Variants in PTPRT observed in about 807,000 individuals in gnomAD.
The protein encoded by PTPRT is protein tyrosine phosphatase receptor type T, also known as receptor-type tyrosine-protein phosphatase T.
In PTPRT, 56 loss-of-function variants were observed where a neutral mutation model predicts 176.8. The ratio of observed to expected loss-of-function variants is 0.32; its 90% confidence interval spans 0.26 to 0.40. The LOEUF (loss-of-function observed/expected upper bound fraction) is 0.40, where lower values mean the gene tolerates loss of function less well. Ranked by LOEUF, PTPRT falls within the 10% of genes least tolerant of loss-of-function variation. PTPRT has a pLI of 1.00. For synonymous variants in PTPRT, 783 were observed against 739.0 expected, an observed-to-expected ratio of 1.06 and a Z score of -0.96; for missense variants, 1,540 against 1,908.2, an observed-to-expected ratio of 0.81 and a Z score of 3.60.
chr20:42,063,741 A>T, the PTPRT span: 1 of 152,270 alleles, frequency 6.6e-6, no homozygotes, highest in African/African-American at 2.4e-5. Flanking sequence ...AGGTGAGAAG[A>T]CCAGGAGTAG....
At chr20:42,416,009 TTGA>T (rs2145753134) in intron 9 of PTPRT, among the ~76,000 whole-genome samples, 1 of 152,304 alleles carries the variant, frequency 6.6e-6, no homozygotes, top group South Asian at 2.1e-4. Flanking sequence ...CTGTAGTGGG[TTGA>T]ATGGTGACTC....
At position 42,193,515 on chromosome 20, in the gene PTPRT, A is replaced by C. The variant is rs558031662; in HGVS notation, c.2491+5725T>G. Among the ~76,000 whole-genome samples the C allele has an allele frequency of 3.3e-5, 5 of 152,288 alleles. No individual in the cohort carries two copies. The South Asian group carries it at 1.0e-3, about 32-fold the overall frequency. Reference sequence around the variant, plus strand: ...ACTGATTTAGGAGTCAGAGAGCCTTATTTGCTTCTAATTCTATCCCTACTC... The same window carrying C: ...ACTGATTTAGGAGTCAGAGAGCCTTCTTTGCTTCTAATTCTATCCCTACTC... On this transcript the variant is annotated intron_variant, in intron 16 of 30. Coordinates refer to ENST00000373187, the MANE Select transcript of PTPRT (RefSeq NM_007050.6).
chr20:42,597,935 T>C (rs1486002747), intron 7 of PTPRT, among the ~76,000 whole-genome samples: 1 of 152,074 alleles, frequency 6.6e-6, no homozygotes, highest in African/African-American at 2.4e-5. Flanking sequence ...ATGTTTACAA[T>C]CTTTGCCATA....
intron 1 of PTPRT, among the ~76,000 whole-genome samples, chr20:43,002,248 T>C (rs1984613413): frequency 6.6e-6 from 1 of 152,224 alleles, no homozygotes. Context: ...TAAACCTCTT[T>C]CCTTTATTAT....
At chr20:42,106,639 A>T in intron 24 of PTPRT, 147 bp downstream of exon 24, 1 of 1,077,874 alleles carries the variant, frequency 9.3e-7, no homozygotes, top group Non-Finnish European at 1.3e-6. Flanking sequence ...TCACCATAGT[A>T]AGCCACGTGT....
chr20:42,693,047 C>G (rs1223363570), intron 6 of PTPRT, among the ~76,000 whole-genome samples: 1 of 152,194 alleles, frequency 6.6e-6, no homozygotes, highest in African/African-American at 2.4e-5. Flanking sequence ...ATGTCCTTTA[C>G]TGCATTCTGT....
intron 7 of PTPRT, among the ~76,000 whole-genome samples, chr20:42,532,730 C>A (rs2072405896): frequency 6.6e-6 from 1 of 151,586 alleles, no homozygotes; most frequent in African/African-American, 2.4e-5. Context: ...ACAACCATAT[C>A]CTTAGACCTG....
chr20:42,372,955 A>AC (rs1414847150), intron 9 of PTPRT, among the ~76,000 whole-genome samples: 1 of 152,210 alleles, frequency 6.6e-6, no homozygotes, highest in African/African-American at 2.4e-5. Context: ...TGTTACAGCC[A>AC]CCTGAATGGA....
chr20:42,386,823 G>A (rs538959020), intron 9 of PTPRT, among the ~76,000 whole-genome samples: 4 of 152,270 alleles, frequency 2.6e-5, no homozygotes, highest in Admixed American at 2.6e-4. Flanking sequence ...TTGTGCCACT[G>A]CATTCCAGCC....
rs555711719 is a variant in PTPRT, at chr20:42,327,514, A to G, written c.1866-11518T>C. The stretch of plus-strand genomic sequence containing the variant: ...GGCTATGTAACAGACTGACCTTTCC[A>G]TAGGAGATACAAACTAAAGGTTTTG... On this transcript the variant is annotated intron_variant, in intron 11 of 30. Coordinates refer to ENST00000373187, the MANE Select transcript of PTPRT (RefSeq NM_007050.6). Among the ~76,000 whole-genome samples, 257 of 152,066 alleles carry G rather than the reference A, an allele frequency of 1.7e-3. 3 individuals are homozygous for G. Among genetic ancestry groups the G allele is most frequent in the African/African-American group, 6.0e-3 (249 of 41,524 alleles).
chr20:42,427,980 C>T (rs2059181471), intron 9 of PTPRT, among the ~76,000 whole-genome samples: 1 of 152,198 alleles, frequency 6.6e-6, no homozygotes, highest in Non-Finnish European at 1.5e-5. Flanking sequence ...AATGGCCCCA[C>T]CCCTATCTCC....
chr20:43,062,081 G>T (rs1432914560), intron 1 of PTPRT, among the ~76,000 whole-genome samples: 1 of 152,128 alleles, frequency 6.6e-6, no homozygotes, highest in African/African-American at 2.4e-5. Context: ...TGGTTGCCTG[G>T]GGCTTAGGGT....
At chr20:42,581,656 A>T (rs1244821724) in intron 7 of PTPRT, among the ~76,000 whole-genome samples, 1 of 152,242 alleles carries the variant, frequency 6.6e-6, no homozygotes, top group Admixed American at 6.5e-5. Context: ...AATTTTGACA[A>T]ATGAGTTTGC....
At chr20:42,433,147 G>A (rs1171349745) in intron 9 of PTPRT, among the ~76,000 whole-genome samples, 4 of 152,132 alleles carry the variant, frequency 2.6e-5, no homozygotes, top group African/African-American at 9.7e-5. Context: ...ACAGTGTGTG[G>A]GAAGTTTCCC....
chr20:43,172,688 A>G (rs190353598), intron 1 of PTPRT, among the ~76,000 whole-genome samples: 12 of 152,262 alleles, frequency 7.9e-5, no homozygotes, highest in African/African-American at 2.9e-4. Flanking sequence ...AGCATTTGAC[A>G]TACCTCACCT....
rs1981245805 is a variant in PTPRT at position 42,951,439 on chromosome 20, ACCCATCAGCATAATTT to A, written c.89-65523_89-65508del. Reference sequence around the variant, plus strand: ...TGGATGGATGGATGATAGAGAAATCACCCATCAGCATAATTTTTCTAAGATGTAAATCTAATCATCC... The same window carrying A: ...TGGATGGATGGATGATAGAGAAATCATTCTAAGATGTAAATCTAATCATCC... On this transcript the variant is annotated intron_variant, in intron 1 of 30. Coordinates refer to ENST00000373187, the MANE Select transcript of PTPRT (RefSeq NM_007050.6). Among the ~76,000 whole-genome samples, 20 of 152,168 alleles carry A rather than the reference ACCCATCAGCATAATTT, an allele frequency of 1.3e-4. No homozygotes were observed. The South Asian group carries it at 3.7e-3, about 29-fold the overall frequency.
chr20:42,258,137 C>T (rs763681414), intron 13 of PTPRT, among the ~76,000 whole-genome samples: 25 of 152,196 alleles, frequency 1.6e-4, no homozygotes, highest in Non-Finnish European at 2.9e-4. Context: ...CTTCCATTGA[C>T]CAGCCAGATT....
intron 1 of PTPRT, among the ~76,000 whole-genome samples, chr20:42,987,909 G>T (rs1283996211): frequency 1.3e-5 from 2 of 152,234 alleles, no homozygotes; most frequent in African/African-American, 2.4e-5. Flanking sequence ...TGTGGCTGCT[G>T]GCTGGAGGTC....
intron 1 of PTPRT, among the ~76,000 whole-genome samples, chr20:43,125,556 A>C (rs2013408039): frequency 1.3e-5 from 2 of 152,236 alleles, no homozygotes; most frequent in African/African-American, 4.8e-5. Context: ...GCTTAAATCT[A>C]GACTTGGCTT....
Sources: allele counts gnomAD v4.1 joint callset (sites outside exome capture counted in the v4.1 genomes callset), GRCh38; gene constraint gnomAD v4.1.1; transcripts MANE v1.5; gene names NCBI Gene and HGNC (gene_info 2026-07-23, HGNC 2026-07-21).